The following LEUTX variants were observed in gnomAD, a reference collection of about 807,000 sequenced individuals.
LEUTX encodes the protein leucine twenty homeobox, also known as paired-like homeodomain transcription factor LEUTX.
LEUTX carries 5 observed loss-of-function variants against 4.5 expected under a neutral mutation model. That is an observed-to-expected ratio of 1.11 (90% CI 0.58 to 2.34). LEUTX has a LOEUF of 2.34. Among genes scored for constraint, LEUTX ranks in the 30% most tolerant of loss-of-function variants. The pLI is 0.01. For synonymous variants in LEUTX, 89 were observed against 85.1 expected (o/e 1.05, Z -0.25); for missense variants, 233 against 239.4 (o/e 0.97, Z 0.18).
chr19:39,784,730 C>T, intron 2 of LEUTX, 52 bp downstream of exon 2: 3 of 1,323,640 alleles, frequency 2.3e-6, no homozygotes, highest in Middle Eastern at 3.6e-4. Context: ...GAGCTTCACA[C>T]ACACTTTTGA....
At chr19:39,785,052 C>A (rs1967944710) in intron 2 of LEUTX, among the ~76,000 whole-genome samples, 1 of 152,160 alleles carries the variant, frequency 6.6e-6, no homozygotes, top group Non-Finnish European at 1.5e-5. Context: ...ATGCCTGTCA[C>A]TAAGTTCCCA....
chr19:39,779,586 A>C (rs1357856981), intron 1 of LEUTX, among the ~76,000 whole-genome samples: 1 of 152,132 alleles, frequency 6.6e-6, no homozygotes, highest in Admixed American at 6.5e-5. Flanking sequence ...TATGTGTTGC[A>C]AATATATTCT....
intron 2 of LEUTX, 49 bp from the exon 3 acceptor site, chr19:39,785,649 C>T (rs1967955731): frequency 2.1e-6 from 3 of 1,422,646 alleles, no homozygotes; most frequent in Non-Finnish European, 2.9e-6. Flanking sequence ...TGAGGATGCC[C>T]CTTTATACTC....
chr19:39,776,933 C>T (rs1967805175), upstream of LEUTX, among the ~76,000 whole-genome samples: 1 of 152,154 alleles, frequency 6.6e-6, no homozygotes. Flanking sequence ...CCCAAGGCCC[C>T]TTGAATGGCT....
intron 1 of LEUTX, among the ~76,000 whole-genome samples, chr19:39,780,901 A>C (rs1223425207): frequency 2.0e-5 from 3 of 151,548 alleles, no homozygotes; most frequent in Non-Finnish European, 4.4e-5. Flanking sequence ...ATGGGGTTTC[A>C]CCATGTTGGC....
intron 1 of LEUTX, among the ~76,000 whole-genome samples, chr19:39,779,416 C>T (rs1599615788): frequency 6.6e-6 from 1 of 152,116 alleles, no homozygotes; most frequent in Non-Finnish European, 1.5e-5. Context: ...TTTACTAACC[C>T]GTGTGATTGA....
intron 1 of LEUTX, among the ~76,000 whole-genome samples, chr19:39,782,014 A>G (rs1399660558): frequency 6.6e-6 from 1 of 152,160 alleles, no homozygotes; most frequent in Non-Finnish European, 1.5e-5. Flanking sequence ...TTCTTAGGTC[A>G]CTAAGCTTCA....
chr19:39,785,622 C>G (rs539057928), intron 2 of LEUTX, 76 bp from the exon 3 acceptor site: 16 of 1,211,298 alleles, frequency 1.3e-5, no homozygotes, highest in Non-Finnish European at 1.8e-5. Flanking sequence ...ACCAAAAAAC[C>G]GAATTCCTGA....
intron 1 of LEUTX, among the ~76,000 whole-genome samples, chr19:39,779,466 CT>C (rs1338387456): frequency 6.6e-5 from 10 of 152,046 alleles, no homozygotes; most frequent in Non-Finnish European, 8.8e-5. Context: ...TGTTTTTCCC[CT>C]ATGCTAATTT....
In LEUTX at chr19:39,786,048, C is replaced by G. The variant is rs1251038143; in HGVS notation, c.510C>G (p.Asp170Glu). ...TAGATGAATTTGTAAAGATCTATGA[C>G]TTGCCAGGGGAAGATGACACCAGCA... ...FEIDEFVKIY[D>E]LPGEDDTSSL... The change falls in exon 3 of 3, where the codon GAC (aspartate) becomes GAG (glutamate). Residue 170 changes from aspartate (D) to glutamate (E), a missense_variant. Coordinates refer to ENST00000638280, the MANE Select transcript of LEUTX (RefSeq NM_001382345.1). The G allele has an allele frequency of 6.4e-7, 1 of 1,551,672 alleles. No homozygotes were observed.
chr19:39,785,449 A>T (rs1297698440), intron 2 of LEUTX, among the ~76,000 whole-genome samples: 1 of 151,630 alleles, frequency 6.6e-6, no homozygotes, highest in Non-Finnish European at 1.5e-5. Flanking sequence ...AAAAAAAAAA[A>T]TACACCACTA....
rs1568515977 is a variant in LEUTX, at chr19:39,785,958, A to G, written c.420A>G (p.Ser140=). 2 of 1,551,804 alleles carry G rather than the reference A, an allele frequency of 1.3e-6. No individual in the cohort carries two copies. Among genetic ancestry groups the G allele is most frequent in the Non-Finnish European group, 8.7e-7 (1 of 1,147,014 alleles). Residue 140 remains serine, a synonymous_variant, in exon 3 of 3, where the codon TCA becomes TCG. Transcript: ENST00000638280. ...SARVSSWDSQ[S]YDIEQICLGA... Reference sequence around the variant, plus strand: ...GGGTTTCATCCTGGGATTCTCAGTCATATGACATTGAACAGATATGTCTGG... The same window carrying G: ...GGGTTTCATCCTGGGATTCTCAGTCGTATGACATTGAACAGATATGTCTGG...
In LEUTX at chr19:39,786,156, G is replaced by T. The variant is rs1315380437; in HGVS notation, c.*21G>T. 1.3e-6 allele frequency: 2 copies of T among 1,488,022 alleles called. No homozygotes were observed. Among genetic ancestry groups the T allele is most frequent in the East Asian group, 4.9e-5 (2 of 40,572 alleles). 92.2% of individuals were successfully genotyped at this position (1,488,022 alleles called of 1,614,324 possible). A position where few individuals can be genotyped will look rare whatever the true frequency, so the allele number is the denominator to read the frequency against. On this transcript the variant is annotated 3_prime_UTR_variant, in exon 3 of 3. Transcript: ENST00000638280. ...TGTAACTTCTTACACATCACTTCTA[G>T]GGGAGGTCTGGATCTGACCCACTGA...
At chr19:39,785,599 G>A in intron 2 of LEUTX, 99 bp from the exon 3 acceptor site, 1 of 863,412 alleles carries the variant, frequency 1.2e-6, no homozygotes, top group East Asian at 2.7e-5. Flanking sequence ...ATAAATGTGA[G>A]ACTCTCTCTC....
In LEUTX at chr19:39,783,188, G is replaced by T. The variant is rs551662396; in HGVS notation, c.8-1339G>T. 1.1e-3 allele frequency among the ~76,000 whole-genome samples: 167 copies of T among 149,812 alleles called. 1 individual carries two copies. The highest frequency in any genetic ancestry group is 6.9e-3 in the Middle Eastern group (2 of 288). On this transcript the variant is annotated intron_variant, in intron 1 of 2. Coordinates refer to ENST00000638280, the MANE Select transcript of LEUTX (RefSeq NM_001382345.1). ...GAATAATGGTCTCCAATCTAATCCA[G>T]GTTGTTACAAATATCATTAATTCAT...
chr19:39,777,568 A>C (rs1967813709), upstream of LEUTX, among the ~76,000 whole-genome samples: 1 of 152,194 alleles, frequency 6.6e-6, no homozygotes. Flanking sequence ...CTAACATTTA[A>C]ACGGAAAATT....
rs138311025 is a variant in LEUTX, at chr19:39,779,434, C to T, written c.7+507C>T. On this transcript the variant is annotated intron_variant, in intron 1 of 2. Transcript: ENST00000638280. ...ACTAACCCGTGTGATTGAATCTGTT[C>T]ACTCTATTTTAAAGGCCATTCTGTT... is the stretch of plus-strand genomic sequence containing the variant. 2.2e-3 allele frequency among the ~76,000 whole-genome samples: 339 copies of T among 152,136 alleles called. 1 individual carries two copies. The highest frequency in any genetic ancestry group is 6.8e-3 in the Middle Eastern group (2 of 294).
chr19:39,782,827 A>T (rs75167413), intron 1 of LEUTX, among the ~76,000 whole-genome samples: 5 of 152,216 alleles, frequency 3.3e-5, no homozygotes, highest in Admixed American at 3.3e-4. Flanking sequence ...AGCTTAGGAA[A>T]GAAGCTTACC....
chr19:39,785,911 G>A lies in LEUTX; in HGVS notation c.373G>A (p.Gly125Arg), dbSNP rs1000694517. 19 of 1,551,698 alleles carry A rather than the reference G, an allele frequency of 1.2e-5. No homozygotes were observed. The highest frequency in any genetic ancestry group is 1.7e-5 in the Non-Finnish European group (19 of 1,147,026). The change falls in exon 3 of 3, where the codon GGA (glycine) becomes AGA (arginine). Residue 125 changes from glycine (G) to arginine (R), a missense_variant. Physicochemically the swap from Gly to Arg is moderately radical, Grantham distance 125. Coordinates refer to ENST00000638280, the MANE Select transcript of LEUTX (RefSeq NM_001382345.1). ...TGAGCCTTCTGGTATCAAGAATCCT[G>A]GAGGAGCCAGCGCCTCTGCGAGGGT... ...LREPSGIKNP[G>R]GASASARVSS...
Sources: allele counts gnomAD v4.1 joint callset (sites outside exome capture counted in the v4.1 genomes callset), GRCh38; gene constraint gnomAD v4.1.1; transcripts MANE v1.5; gene names NCBI Gene and HGNC (gene_info 2026-07-23, HGNC 2026-07-21).